FGD5: variants seen among roughly 807,000 people sequenced by gnomAD.
FGD5 encodes FYVE, RhoGEF and PH domain containing 5, also known as FYVE, RhoGEF and PH domain-containing protein 5.
Under a neutral mutation model 133.4 loss-of-function variants are expected in FGD5, and 28 were observed. The ratio of observed to expected loss-of-function variants is 0.21; its 90% confidence interval spans 0.16 to 0.29. The LOEUF (loss-of-function observed/expected upper bound fraction) is 0.29. FGD5 is among the 10% of genes least tolerant of loss of function. FGD5 has a pLI of 1.00. For synonymous variants in FGD5, 810 were observed against 776.5 expected, an observed-to-expected ratio of 1.04 and a Z score of -0.72; for missense variants, 1,858 against 1,895.2, an observed-to-expected ratio of 0.98 and a Z score of 0.36.
chr3:14,897,692 G>C (rs757988748), intron 5 of FGD5, 23 bp downstream of exon 5: 1 of 1,570,790 alleles, frequency 6.4e-7, no homozygotes, highest in Non-Finnish European at 8.6e-7. Context: ...TGGACCCCCG[G>C]GTTCCACTTT....
chr3:14,925,110 A>C (rs1372490839), intron 17 of FGD5, among the ~76,000 whole-genome samples: 1 of 134,526 alleles, frequency 7.4e-6, no homozygotes, highest in African/African-American at 2.5e-5. Context: ...CAAAAAAAAA[A>C]AAAAAAAAAA....
intron 4 of FGD5, among the ~76,000 whole-genome samples, chr3:14,895,633 G>T (rs2038121584): frequency 6.6e-6 from 1 of 152,086 alleles, no homozygotes; most frequent in Admixed American, 6.5e-5. Flanking sequence ...GAGTGCAGTG[G>T]TGCAATCAGA....
chr3:14,915,118 G>T (rs2038527137), intron 11 of FGD5, among the ~76,000 whole-genome samples: 1 of 152,206 alleles, frequency 6.6e-6, no homozygotes, highest in Non-Finnish European at 1.5e-5. Flanking sequence ...TTCCATACCT[G>T]GCCCCTACAG....
chr3:14,871,017 C>G (rs2037597382), intron 2 of FGD5, among the ~76,000 whole-genome samples: 1 of 152,220 alleles, frequency 6.6e-6, no homozygotes, highest in African/African-American at 2.4e-5. Flanking sequence ...AAACCCACCT[C>G]AGACCCTTTG....
intron 7 of FGD5, among the ~76,000 whole-genome samples, chr3:14,899,824 C>A (rs2038203641): frequency 6.6e-6 from 1 of 152,322 alleles, no homozygotes. Flanking sequence ...GGGAAGACCT[C>A]TCTGAGGAGG....
chr3:14,824,759 T>C (rs983004078), intron 1 of FGD5, among the ~76,000 whole-genome samples: 6 of 152,226 alleles, frequency 3.9e-5, no homozygotes, highest in Admixed American at 6.5e-5. Context: ...AAAAATGTAA[T>C]GGAAACTTTT....
At chr3:14,826,090 A>G (rs2036592659) in intron 1 of FGD5, among the ~76,000 whole-genome samples, 1 of 152,244 alleles carries the variant, frequency 6.6e-6, no homozygotes, top group African/African-American at 2.4e-5. Flanking sequence ...GATAGCAGTC[A>G]GCATTATACA....
chr3:14,889,876 GA>G (rs1373980684), intron 4 of FGD5, among the ~76,000 whole-genome samples: 1 of 152,024 alleles, frequency 6.6e-6, no homozygotes, highest in African/African-American at 2.4e-5. Flanking sequence ...TAAAAAAATT[GA>G]GGTATCTTTT....
At chr3:14,871,420 T>G (rs1302992912) in intron 2 of FGD5, among the ~76,000 whole-genome samples, 1 of 152,292 alleles carries the variant, frequency 6.6e-6, no homozygotes, top group Admixed American at 6.5e-5. Flanking sequence ...ATGAAAACAC[T>G]TGTTTGGCTC....
intron 9 of FGD5, among the ~76,000 whole-genome samples, chr3:14,907,429 C>A (rs11706878): frequency 0.084 from 12,837 of 152,264 alleles, 790 homozygotes; most frequent in East Asian, 0.29. Context: ...GGCCAGGCAG[C>A]CGGCTCCACA....
chr3:14,844,215 AAAATATAT>A (rs1203669129), intron 1 of FGD5, among the ~76,000 whole-genome samples: 23 of 27,442 alleles, frequency 8.4e-4, no homozygotes, highest in South Asian at 1.3e-3. Context: ...AAAAAAAAAA[AAAATATAT>A]ATATATATAT....
chr3:14,853,274 G>A (rs759930105), intron 1 of FGD5, among the ~76,000 whole-genome samples: 1 of 152,174 alleles, frequency 6.6e-6, no homozygotes, highest in African/African-American at 2.4e-5. Flanking sequence ...GGGTGCTGAG[G>A]GGTGAAGGAT....
At chr3:14,827,640 G>A (rs1327496851) in intron 1 of FGD5, among the ~76,000 whole-genome samples, 2 of 152,092 alleles carry the variant, frequency 1.3e-5, no homozygotes, top group African/African-American at 4.8e-5. Flanking sequence ...TTTTCTGCTG[G>A]CTGGTGGGTT....
intron 1 of FGD5, among the ~76,000 whole-genome samples, chr3:14,863,606 A>G (rs1204060666): frequency 6.6e-6 from 1 of 152,254 alleles, no homozygotes; most frequent in Non-Finnish European, 1.5e-5. Context: ...AAGGTGAGAC[A>G]GGAATCCTTG....
chr3:14,922,458 G>C lies in FGD5; in HGVS notation c.3717G>C (p.Leu1239=). The C allele has an allele frequency of 6.4e-7, 1 of 1,573,550 alleles. No individual in the cohort carries two copies. Among genetic ancestry groups the C allele is most frequent in the Middle Eastern group, 1.7e-4 (1 of 6,018 alleles). The change falls in exon 15 of 20, where the codon CTG becomes CTC. Residue 1239 remains leucine (L), a synonymous_variant. Transcript: ENST00000285046. The surrounding 1 kb of genome is among the most constrained non-coding windows in gnomAD (Gnocchi z 4.1). ...GVSLGERPPT[L]VPVTHVMMCM... ...GCCTTGGGGAGAGGCCCCCCACCCT[G>C]GTGCCTGTCACACACGTCATGATGT...
At position 14,820,589 on chromosome 3, in the gene FGD5, C is replaced by T. The variant is rs1004651147; in HGVS notation, c.1518C>T (p.Gly506=). 30 of 1,608,070 alleles carry T rather than the reference C, an allele frequency of 1.9e-5. No individual in the cohort carries two copies. The highest frequency in any genetic ancestry group is 2.5e-5 in the Non-Finnish European group (29 of 1,176,862). The change falls in exon 1 of 20, where the codon GGC becomes GGT. Residue 506 remains glycine, a synonymous_variant. Transcript: ENST00000285046. The part of the protein sequence containing the change: ...TVPEETGPEA[G]SSAPGIGGAA... The stretch of plus-strand genomic sequence containing the variant: ...CTGAAGAAACCGGACCTGAGGCGGG[C>T]TCGTCAGCCCCTGGCATTGGAGGTG...
intron 18 of FGD5, among the ~76,000 whole-genome samples, chr3:14,928,624 A>G (rs2038853817): frequency 1.3e-5 from 2 of 152,294 alleles, no homozygotes; most frequent in Middle Eastern, 3.4e-3. Context: ...ACGCACCTGT[A>G]GTCTCAACTA....
chr3:14,918,503 C>G (rs1176874969), intron 12 of FGD5, among the ~76,000 whole-genome samples: 1 of 152,214 alleles, frequency 6.6e-6, no homozygotes, highest in Admixed American at 6.5e-5. Context: ...GACAGTGCAC[C>G]TGGGGTTGCC....
intron 1 of FGD5, among the ~76,000 whole-genome samples, chr3:14,839,471 G>A (rs1278110182): frequency 1.3e-5 from 2 of 152,188 alleles, no homozygotes; most frequent in African/African-American, 4.8e-5. Context: ...ACCTCCCCAA[G>A]ATAATCTGAT....
Sources: allele counts gnomAD v4.1 joint callset (sites outside exome capture counted in the v4.1 genomes callset), GRCh38; gene constraint gnomAD v4.1.1; non-coding constraint Gnocchi (gnomAD v3.1); transcripts MANE v1.5; gene names NCBI Gene and HGNC (gene_info 2026-07-23, HGNC 2026-07-21).